Variants in TNXB observed in about 807,000 individuals in gnomAD.
TNXB encodes tenascin XB, also known as tenascin-X.
A neutral mutation model predicts 340.5 loss-of-function variants in TNXB; 183 were observed. That is an observed-to-expected ratio of 0.54 (90% CI 0.48 to 0.61). The LOEUF (loss-of-function observed/expected upper bound fraction) is 0.61, where lower values mean the gene tolerates loss of function less well. TNXB is among the 20% of genes least tolerant of loss of function. The pLI is 0.00. For synonymous variants in TNXB, 2,121 were observed against 2,314.5 expected (o/e 0.92, Z 2.40); for missense variants, 4,613 against 5,446.4 (o/e 0.85, Z 4.82).
chr6:32,073,868 G>A lies in TNXB; in HGVS notation c.4460C>T (p.Pro1487Leu). The change falls in exon 12 of 44, where the codon CCC (proline) becomes CTC (leucine). Residue 1487 changes from proline to leucine, a missense_variant. Coordinates refer to ENST00000644971, the MANE Select transcript of TNXB (RefSeq NM_001365276.2). The surrounding 1 kb of genome is among the most constrained non-coding windows in gnomAD (Gnocchi z 4.6). ...TGTCCAGGAGAGGCCCACAGAGTTGGGGGTCACATCTGTCACTGTCAGCTC... is the reference window on the plus strand; with the variant it reads ...TGTCCAGGAGAGGCCCACAGAGTTGAGGGTCACATCTGTCACTGTCAGCTC... The part of the protein sequence containing the change: ...LGELTVTDVT[P>L]NSVGLSWTVP... 1.2e-6 allele frequency: 2 copies of A among 1,611,158 alleles called. No individual in the cohort carries two copies. Among genetic ancestry groups the A allele is most frequent in the Non-Finnish European group, 1.7e-6 (2 of 1,178,948 alleles).
Position 32,070,246 on chromosome 6 carries a change from TCCACGGGCA to T in TNXB, c.5150_5158del (p.Val1717_Val1719del). 1 of 1,612,812 alleles carries T rather than the reference TCCACGGGCA, an allele frequency of 6.2e-7. No homozygotes were observed. The highest frequency in any genetic ancestry group is 8.5e-7 in the Non-Finnish European group (1 of 1,179,500). ...GACAGTGACAGAGCGCTCATGGCCC[TCCACGGGCA>T]CCACCTGGGGCCCGTCTTTGTCCTT... On this transcript the variant is annotated inframe_deletion, in exon 14 of 44. Transcript: ENST00000644971. This position sits in a 1 kb window ranked among gnomAD's most constrained non-coding sequence, Gnocchi z 6.0.
In TNXB at chr6:32,062,284, T is replaced by C. The variant is rs1272744931; in HGVS notation, c.7041A>G (p.Thr2347=). The part of the protein sequence containing the change: ...YKNGDGQPKA[T]RVPGHEDRVT... ...CCCTGTCCTCATGTCCTGGCACCCG[T>C]GTTGCCTTGGGCTGCCCATCCCCAT... Residue 2347 remains threonine (T), a synonymous_variant, in exon 20 of 44, where the codon ACA becomes ACG. Transcript: ENST00000644971. The surrounding 1 kb of genome is among the most constrained non-coding windows in gnomAD (Gnocchi z 4.3). 2 of 1,613,408 alleles carry C rather than the reference T, an allele frequency of 1.2e-6. No individual in the cohort carries two copies. The highest frequency in any genetic ancestry group is 1.7e-6 in the Non-Finnish European group (2 of 1,179,836).
chr6:32,105,098 A>G (rs1780913413), intron 1 of TNXB, among the ~76,000 whole-genome samples: 1 of 152,012 alleles, frequency 6.6e-6, no homozygotes. Context: ...TTCACCACCC[A>G]TAACATTTCC....
intron 4 of TNXB, chr6:32,093,496 G>A (rs562519028): frequency 1.5e-6 from 1 of 667,526 alleles, no homozygotes; most frequent in South Asian, 1.6e-5. Flanking sequence ...AGTGGAGTGA[G>A]GATGACAGTT....
chr6:32,053,054 G>A (rs1321335225), intron 25 of TNXB, 61 bp from the exon 26 acceptor site: 1 of 1,542,494 alleles, frequency 6.5e-7, no homozygotes, highest in African/African-American at 1.4e-5. Context: ...TGGGTCTTGT[G>A]AGGAAGGAGA....
At position 32,085,766 on chromosome 6, in the gene TNXB, G is replaced by A. The variant is rs746556166; in HGVS notation, c.3132C>T (p.Ile1044=). 1.6e-5 allele frequency: 25 copies of A among 1,550,140 alleles called. No individual in the cohort carries two copies. The highest frequency in any genetic ancestry group is 2.0e-5 in the Non-Finnish European group (23 of 1,147,224). The change falls in exon 7 of 44, where the codon ATC becomes ATT. Residue 1044 remains isoleucine, a synonymous_variant. Transcript: ENST00000644971. The surrounding 1 kb of genome is among the most constrained non-coding windows in gnomAD (Gnocchi z 6.4). Reference sequence around the variant, plus strand: ...AAGATGTACCCATAATGCCTTGGTAGATGATGGGGTCAGAGGGCTTGCCCC... The same window carrying A: ...AAGATGTACCCATAATGCCTTGGTAAATGATGGGGTCAGAGGGCTTGCCCC... ...PPGGKPSDPI[I]YQGIMDKDEE...
In TNXB at chr6:32,095,794, C is replaced by A. The variant is rs1460634955; in HGVS notation, c.2059G>T (p.Ala687Ser). The change falls in exon 3 of 44, where the codon GCC becomes TCC. Residue 687 changes from alanine (A) to serine (S), a missense_variant. Ala to Ser is a moderately conservative substitution (Grantham distance 99). This residue lies in a region of TNXB where 4,327 missense variants were observed against 4,859.4 expected (regional missense o/e 0.89). Coordinates refer to ENST00000644971, the MANE Select transcript of TNXB (RefSeq NM_001365276.2). ...CGGGGCCCGCAGCCTCCAGGGCAGG[C>A]GCTGGCTGGAGGCTCTTCCTGCCCG... ...DCGQEEPPASACPGGCGPREL... is the reference protein window; with the variant it reads ...DCGQEEPPASSCPGGCGPREL... The A allele has an allele frequency of 1.6e-5, 26 of 1,613,066 alleles. No homozygotes were observed. The highest frequency in any genetic ancestry group is 2.1e-5 in the Non-Finnish European group (25 of 1,179,598).
In TNXB at chr6:32,087,619, G is replaced by A; in HGVS notation, c.2779+1166C>T. On this transcript the variant is annotated intron_variant, in intron 6 of 43. Transcript: ENST00000644971. The surrounding 1 kb of genome is among the most constrained non-coding windows in gnomAD (Gnocchi z 9.0). ...GGGATCAGGGCTGGCGGTGGGGCGG[G>A]GGTGGCGGGGCGGGGGTGCGGGGGA... The A allele has an allele frequency of 2.5e-6, 1 of 396,080 alleles. No individual in the cohort carries two copies. The highest frequency in any genetic ancestry group is 1.8e-5 in the South Asian group (1 of 54,546). 24.5% of individuals were successfully genotyped at this position (396,080 alleles called of 1,614,324 possible).
chr6:32,088,958 C>G lies in TNXB; in HGVS notation c.2606G>C (p.Arg869Pro). ...GWLRPQAEVD[R>P]FVVSYVSAGN... ...GGCACTGACGTAGGACACCACAAATCGGTCCACCTCAGCCTGGGGACGCAG... is the reference window on the plus strand; with the variant it reads ...GGCACTGACGTAGGACACCACAAATGGGTCCACCTCAGCCTGGGGACGCAG... Residue 869 changes from arginine to proline, a missense_variant, in exon 6 of 44, where the codon CGA (arginine) becomes CCA (proline). Transcript: ENST00000644971. 3.7e-6 allele frequency: 6 copies of G among 1,609,288 alleles called. No individual in the cohort carries two copies. Among genetic ancestry groups the G allele is most frequent in the Non-Finnish European group, 5.1e-6 (6 of 1,177,988 alleles).
chr6:32,049,327 G>A lies in TNXB; in HGVS notation c.9700C>T (p.Leu3234=). 3 of 1,612,554 alleles carry A rather than the reference G, an allele frequency of 1.9e-6. No individual in the cohort carries two copies. Among genetic ancestry groups the A allele is most frequent in the Non-Finnish European group, 2.5e-6 (3 of 1,179,862 alleles). ...LEPGRKYKMH[L]YGLHEGQRVG... ...CGCTGCCCCTCGTGGAGGCCGTACA[G>A]ATGCATCTTGTATTTGCGCCCGGGC... The change falls in exon 28 of 44, where the codon CTG becomes TTG. Residue 3234 remains leucine, a synonymous_variant. Coordinates refer to ENST00000644971, the MANE Select transcript of TNXB (RefSeq NM_001365276.2). This position sits in a 1 kb window ranked among gnomAD's most constrained non-coding sequence, Gnocchi z 4.5.
chr6:32,071,996 T>G lies in TNXB; in HGVS notation c.4984A>C (p.Lys1662Gln). The change falls in exon 13 of 44, where the codon AAG (lysine) becomes CAG (glutamine). Residue 1662 changes from lysine to glutamine, a missense_variant. Physicochemically the swap from Lys to Gln is moderately conservative, Grantham distance 53. Transcript: ENST00000644971. ...GTGTAGGGGCCCATCTCACCCGTCT[T>G]TGCCTCCACAGAGACTGGGCTGCGT... is the stretch of plus-strand genomic sequence containing the variant. ...KRRSPVSVEA[K>Q]TVARGDASPG... The G allele has an allele frequency of 1.3e-6, 2 of 1,598,698 alleles. No individual in the cohort carries two copies. Among genetic ancestry groups the G allele is most frequent in the Non-Finnish European group, 1.7e-6 (2 of 1,171,108 alleles).
chr6:32,057,240 GC>G (rs1354940677), intron 22 of TNXB, among the ~76,000 whole-genome samples: 1 of 152,114 alleles, frequency 6.6e-6, no homozygotes, highest in Non-Finnish European at 1.5e-5. Context: ...TGTTCACTGG[GC>G]TTCTGTCTTT....
In TNXB at chr6:32,068,399, C is replaced by G; in HGVS notation, c.6211G>C (p.Gly2071Arg). ...CCCATCATCCACTCACCTGTCACCC[C>G]GACGACAGACACAGGGCCCATGCGC... is the stretch of plus-strand genomic sequence containing the variant. Reference protein sequence around the residue: ...GQRMGPVSVVGVTAAEEETPS... With the variant: ...GQRMGPVSVVRVTAAEEETPS... The change falls in exon 17 of 44, where the codon GGG becomes CGG. Residue 2071 changes from glycine (G) to arginine (R), a missense_variant. Gly to Arg is a moderately radical substitution (Grantham distance 125). Coordinates refer to ENST00000644971, the MANE Select transcript of TNXB (RefSeq NM_001365276.2). The surrounding 1 kb of genome is among the most constrained non-coding windows in gnomAD (Gnocchi z 5.3). The G allele has an allele frequency of 1.2e-6, 2 of 1,613,424 alleles. No homozygotes were observed. The highest frequency in any genetic ancestry group is 8.5e-7 in the Non-Finnish European group (1 of 1,179,546).
Position 32,055,785 on chromosome 6 carries a change from G to C in TNXB, c.8467+66C>G, listed in dbSNP as rs1046578196. 2.7e-5 allele frequency: 42 copies of C among 1,555,920 alleles called. No homozygotes were observed. The East Asian group carries it at 8.6e-4, about 32-fold the overall frequency. On this transcript the variant is annotated intron_variant, in intron 24 of 43. Transcript: ENST00000644971. ...AAGCCCGGCTGGTGAGAATATTTTT[G>C]TTTTCATGAAGTTGCAGAGAAAGCA...
At chr6:32,099,665 C>A (rs575723829) in intron 1 of TNXB, among the ~76,000 whole-genome samples, 4 of 151,884 alleles carry the variant, frequency 2.6e-5, no homozygotes, top group African/African-American at 7.2e-5. Context: ...TGCTTGGCTT[C>A]TCTCTCTTTT....
chr6:32,056,724 G>A lies in TNXB; in HGVS notation c.8005C>T (p.Pro2669Ser), dbSNP rs771495067. ...LVQYRNGDGQ[P>S]KAVRVPGHED... ...TGCCCCGGCACCCGCACCGCCTTGG[G>A]CTGCCCATCCCCATTCCTGTACTGG... is the stretch of plus-strand genomic sequence containing the variant. Residue 2669 changes from proline to serine, a missense_variant, in exon 23 of 44, where the codon CCC becomes TCC. Coordinates refer to ENST00000644971, the MANE Select transcript of TNXB (RefSeq NM_001365276.2). The A allele has an allele frequency of 1.9e-6, 3 of 1,613,250 alleles. No individual in the cohort carries two copies. Among genetic ancestry groups the A allele is most frequent in the Non-Finnish European group, 2.5e-6 (3 of 1,179,872 alleles).
chr6:32,058,405 AG>A lies in TNXB; in HGVS notation c.7493-16del. 6.4e-7 allele frequency: 1 copy of A among 1,570,112 alleles called. No individual in the cohort carries two copies. Among genetic ancestry groups the A allele is most frequent in the Non-Finnish European group, 8.6e-7 (1 of 1,157,598 alleles). ...CTCTTGTGGGGCTGAAAGGTAATAT[AG>A]GGGGATACAGAGTTTAAGGGTTTAA... On this transcript the variant is annotated splice_polypyrimidine_tract_variant and intron_variant, in intron 21 of 43. Transcript: ENST00000644971. The surrounding 1 kb of genome is among the most constrained non-coding windows in gnomAD (Gnocchi z 5.1).
intron 22 of TNXB, among the ~76,000 whole-genome samples, chr6:32,057,126 G>A (rs1277812471): frequency 1.5e-4 from 22 of 146,576 alleles, no homozygotes; most frequent in Admixed American, 8.1e-4. Flanking sequence ...CCAACACCCA[G>A]GCCACCTCTC....
chr6:32,059,001 C>T (rs1777851766), intron 21 of TNXB, among the ~76,000 whole-genome samples: 1 of 151,866 alleles, frequency 6.6e-6, no homozygotes, highest in Non-Finnish European at 1.5e-5. Flanking sequence ...ATGTGCACTA[C>T]ACACATTGTT....
Sources: allele counts gnomAD v4.1 joint callset (sites outside exome capture counted in the v4.1 genomes callset), GRCh38; gene constraint gnomAD v4.1.1; regional missense constraint gnomAD v4.1.1; non-coding constraint Gnocchi (gnomAD v3.1); transcripts MANE v1.5; gene names NCBI Gene and HGNC (gene_info 2026-07-23, HGNC 2026-07-21).